The following CAMK1D variants were observed in gnomAD, a reference collection of about 807,000 sequenced individuals.
CAMK1D encodes calcium/calmodulin-dependent protein kinase type 1D.
In CAMK1D, 9 loss-of-function variants were observed where a neutral mutation model predicts 47.7. The observed-to-expected ratio is 0.19, with a 90% CI of 0.11 to 0.33. CAMK1D has a LOEUF of 0.33. Ranked by LOEUF, CAMK1D falls within the 10% of genes least tolerant of loss-of-function variation. The probability of loss-of-function intolerance (pLI) is 1.00; values close to 1 mark genes in which losing one functional copy is unlikely to be tolerated. For missense variants in CAMK1D, 291 were observed against 488.7 expected (o/e 0.60, Z 3.81); for synonymous variants, 184 against 184.9 (o/e 0.99, Z 0.04).
At chr10:12,751,690 G>A (rs1835994165) in intron 3 of CAMK1D, among the ~76,000 whole-genome samples, 2 of 152,322 alleles carry the variant, frequency 1.3e-5, no homozygotes, top group Middle Eastern at 3.4e-3. Flanking sequence ...AGGCATATCT[G>A]TAGTAGCGAC....
rs1401318210 is a variant in CAMK1D, at chr10:12,543,956, T to C, written c.93-9269T>C. 3.3e-5 allele frequency among the ~76,000 whole-genome samples: 5 copies of C among 152,336 alleles called. No homozygotes were observed. In the East Asian group the frequency reaches 5.8e-4, roughly 18 times the overall value. ...TCATTTATGAAGTTAAAAGCCTAAG[T>C]AGTCATTTAGAATTCTTTCATCACT... On this transcript the variant is annotated intron_variant, in intron 1 of 10. Coordinates refer to ENST00000619168, the MANE Select transcript of CAMK1D (RefSeq NM_153498.4).
At chr10:12,717,749 C>CTGGA (rs1196621923) in intron 3 of CAMK1D, among the ~76,000 whole-genome samples, 49 of 124,342 alleles carry the variant, frequency 3.9e-4, no homozygotes, top group African/African-American at 1.8e-3. Context: ...AAAAAAAAAG[C>CTGGA]TGGATGTGGT....
intron 2 of CAMK1D, among the ~76,000 whole-genome samples, chr10:12,602,062 G>A (rs1838319695): frequency 6.6e-6 from 1 of 152,220 alleles, no homozygotes. Flanking sequence ...ATGATTTGAA[G>A]CATCTCCCCC....
At chr10:12,737,732 A>G (rs1835249703) in intron 3 of CAMK1D, among the ~76,000 whole-genome samples, 2 of 152,226 alleles carry the variant, frequency 1.3e-5, no homozygotes, top group Non-Finnish European at 2.9e-5. Flanking sequence ...CCTAGATTCT[A>G]CAGCACTTTA....
chr10:12,660,940 A>C lies in CAMK1D; in HGVS notation c.225-5796A>C, dbSNP rs148795430. Among the ~76,000 whole-genome samples the C allele has an allele frequency of 8.5e-5, 13 of 152,220 alleles. No individual in the cohort carries two copies. The East Asian group carries it at 2.3e-3, about 27-fold the overall frequency. On this transcript the variant is annotated intron_variant, in intron 2 of 10. Transcript: ENST00000619168. ...GGGATTTCGCTGTGCTAGTTGACAG[A>C]ATCTCCATTTTCCATTTGCCTATAA...
chr10:12,468,119 C>T (rs540318430), intron 1 of CAMK1D, among the ~76,000 whole-genome samples: 19 of 136,656 alleles, frequency 1.4e-4, no homozygotes, highest in Admixed American at 1.1e-3. Flanking sequence ...GCAGTGGTGC[C>T]ATCATGGCGC....
chr10:12,401,099 A>G (rs1474260208), intron 1 of CAMK1D, among the ~76,000 whole-genome samples: 2 of 81,064 alleles, frequency 2.5e-5, no homozygotes, highest in African/African-American at 5.6e-5. Context: ...TATATATTAT[A>G]TATATATTTT....
At chr10:12,565,823 T>C (rs1460412126) in intron 2 of CAMK1D, among the ~76,000 whole-genome samples, 1 of 152,038 alleles carries the variant, frequency 6.6e-6, no homozygotes, top group Non-Finnish European at 1.5e-5. Context: ...CTTTCCAATA[T>C]GATTTGACCC....
At chr10:12,381,086 A>G (rs1838327568) in intron 1 of CAMK1D, among the ~76,000 whole-genome samples, 1 of 152,130 alleles carries the variant, frequency 6.6e-6, no homozygotes, top group Admixed American at 6.6e-5. Context: ...TTTTCCCTTT[A>G]TTGGAAATAA....
chr10:12,781,162 G>A (rs537001058), intron 5 of CAMK1D, among the ~76,000 whole-genome samples: 2 of 151,964 alleles, frequency 1.3e-5, no homozygotes, highest in South Asian at 4.2e-4. Flanking sequence ...TGGGAAAGAG[G>A]GGGAGGGCAG....
intron 3 of CAMK1D, among the ~76,000 whole-genome samples, chr10:12,740,552 C>G (rs1035011208): frequency 1.3e-5 from 2 of 152,068 alleles, no homozygotes; most frequent in African/African-American, 4.8e-5. Flanking sequence ...GAACTGAGAT[C>G]ATGCCACTGC....
chr10:12,651,590 C>T (rs527304267), intron 2 of CAMK1D, among the ~76,000 whole-genome samples: 6 of 151,796 alleles, frequency 4.0e-5, no homozygotes, highest in South Asian at 2.1e-4. Context: ...TTTGGAGAGA[C>T]GGGATTTCAC....
intron 1 of CAMK1D, among the ~76,000 whole-genome samples, chr10:12,392,642 C>T (rs1309159192): frequency 6.6e-6 from 1 of 152,118 alleles, no homozygotes; most frequent in African/African-American, 2.4e-5. Flanking sequence ...ACTTAACATA[C>T]TTGTTTTGTA....
intron 2 of CAMK1D, among the ~76,000 whole-genome samples, chr10:12,618,134 GCT>G (rs1838880422): frequency 6.6e-6 from 1 of 152,098 alleles, no homozygotes; most frequent in African/African-American, 2.4e-5. Flanking sequence ...CCGATTCAGG[GCT>G]CTGTGTCTCT....
In CAMK1D at chr10:12,615,371, TGGAA is replaced by T. The variant is rs1187451550; in HGVS notation, c.225-51359_225-51356del. ...AATTAATTTACTCAAGTATAGGTTC[TGGAA>T]GGAAGTTGTTCAAATTCTTTGCCCT... On this transcript the variant is annotated intron_variant, in intron 2 of 10. Transcript: ENST00000619168. 2.0e-5 allele frequency among the ~76,000 whole-genome samples: 3 copies of T among 152,376 alleles called. No homozygotes were observed. The East Asian group carries it at 5.8e-4, about 29-fold the overall frequency.
chr10:12,627,209 G>C (rs564083626), intron 2 of CAMK1D, among the ~76,000 whole-genome samples: 137 of 151,620 alleles, frequency 9.0e-4, no homozygotes, highest in African/African-American at 3.3e-3. Flanking sequence ...AGCTTCCCGA[G>C]TAGCTGGGAC....
intron 2 of CAMK1D, among the ~76,000 whole-genome samples, chr10:12,629,293 C>A (rs1252204456): frequency 6.6e-6 from 1 of 152,180 alleles, no homozygotes; most frequent in African/African-American, 2.4e-5. Context: ...CTGATCCAGT[C>A]CTGGTTTTAG....
intron 1 of CAMK1D, among the ~76,000 whole-genome samples, chr10:12,475,892 A>G (rs4620627): frequency 0.18 from 26,947 of 151,740 alleles, 2,691 homozygotes; most frequent in East Asian, 0.5. Context: ...GTGCTAGAAG[A>G]GTTGACAGGA....
intron 1 of CAMK1D, among the ~76,000 whole-genome samples, chr10:12,419,155 G>C (rs1283972438): frequency 6.6e-6 from 1 of 152,038 alleles, no homozygotes; most frequent in Non-Finnish European, 1.5e-5. Context: ...CCAGGGACGG[G>C]AGATTTTATA....
Sources: gnomAD v4.1 joint callset for allele counts (sites outside exome capture counted in the v4.1 genomes callset) on GRCh38, gnomAD v4.1.1 for gene constraint, MANE v1.5 for transcripts, NCBI Gene and HGNC (gene_info 2026-07-23, HGNC 2026-07-21) for gene names.